The following TMEM40 variants were observed in gnomAD, a reference collection of about 807,000 sequenced individuals.
The protein encoded by TMEM40 is transmembrane protein 40.
A neutral mutation model predicts 40.8 loss-of-function variants in TMEM40; 34 were observed. That is an observed-to-expected ratio of 0.83 (90% CI 0.63 to 1.11). The LOEUF (loss-of-function observed/expected upper bound fraction) is 1.11. TMEM40 is among the 50% of genes least tolerant of loss of function. The pLI is 0.00. For synonymous variants in TMEM40, 106 were observed against 107.0 expected (o/e 0.99, Z 0.06); for missense variants, 296 against 280.2 (o/e 1.06, Z -0.40).
chr3:12,752,347 A>G (rs2061484311), intron 1 of TMEM40, among the ~76,000 whole-genome samples: 1 of 152,190 alleles, frequency 6.6e-6, no homozygotes, highest in Admixed American at 6.6e-5. Flanking sequence ...CCGGGAACAA[A>G]GGAAAAATGA....
At chr3:12,747,159 T>A (rs2061435396) in intron 3 of TMEM40, among the ~76,000 whole-genome samples, 1 of 151,868 alleles carries the variant, frequency 6.6e-6, no homozygotes, top group South Asian at 2.1e-4. Flanking sequence ...GTCTCAGCAT[T>A]TGCAACATGA....
At chr3:12,741,762 T>G in intron 5 of TMEM40, among the ~76,000 whole-genome samples, 1 of 114,000 alleles carries the variant, frequency 8.8e-6, no homozygotes, top group East Asian at 2.0e-4. Flanking sequence ...TACTTGTTTT[T>G]GTAACAAAAA....
chr3:12,746,582 C>T (rs75924659), intron 3 of TMEM40, among the ~76,000 whole-genome samples: 2,526 of 152,250 alleles, frequency 0.017, 35 homozygotes, highest in African/African-American at 0.036. Context: ...CGGTGAGGCA[C>T]CCAGGCTCGG....
At position 12,742,450 on chromosome 3, in the gene TMEM40, T is replaced by A. The variant is rs1284134176; in HGVS notation, c.355+4A>T. The A allele has an allele frequency of 1.9e-6, 3 of 1,613,436 alleles. No individual in the cohort carries two copies. The highest frequency in any genetic ancestry group is 2.5e-6 in the Non-Finnish European group (3 of 1,179,618). The stretch of plus-strand genomic sequence containing the variant: ...TTCTCCAAAGCTACTGGGCAACTGA[T>A]TACCTCCATAGAGTTGAAGCTCATC... On this transcript the variant is annotated splice_donor_region_variant and intron_variant, in intron 5 of 11. Transcript: ENST00000314124.
At chr3:12,746,553 T>C (rs1459033556) in intron 3 of TMEM40, among the ~76,000 whole-genome samples, 1 of 152,190 alleles carries the variant, frequency 6.6e-6, no homozygotes, top group Non-Finnish European at 1.5e-5. Flanking sequence ...GGGTCCTGCA[T>C]GTGAGGACGG....
chr3:12,761,291 A>T (rs1034180683), upstream of TMEM40, among the ~76,000 whole-genome samples: 1 of 152,216 alleles, frequency 6.6e-6, no homozygotes, highest in South Asian at 2.1e-4. Flanking sequence ...TGAGAGGGAC[A>T]TGACCAAACC....
intron 1 of TMEM40, among the ~76,000 whole-genome samples, chr3:12,753,441 C>T (rs1339434489): frequency 6.6e-6 from 1 of 151,866 alleles, no homozygotes; most frequent in East Asian, 1.9e-4. Flanking sequence ...CCAGGCTGCT[C>T]TTGAACTCCT....
intron 5 of TMEM40, chr3:12,738,882 C>T (rs570181820): frequency 4.5e-4 from 167 of 374,606 alleles, no homozygotes; most frequent in Non-Finnish European, 6.7e-4. Flanking sequence ...GGGCCGCACG[C>T]GGTGGCTCAT....
intron 2 of TMEM40, among the ~76,000 whole-genome samples, 155 bp from the exon 3 acceptor site, chr3:12,748,947 C>T (rs2061451276): frequency 6.6e-6 from 1 of 152,088 alleles, no homozygotes; most frequent in African/African-American, 2.4e-5. Context: ...ATGCAGGAGA[C>T]CAAGGCTCTC....
rs779341839 is a variant in TMEM40 at position 12,738,532 on chromosome 3, C to T, written c.391+21G>A. On this transcript the variant is annotated intron_variant, in intron 6 of 11. Coordinates refer to ENST00000314124, the MANE Select transcript of TMEM40 (RefSeq NM_018306.4). Reference sequence around the variant, plus strand: ...CTCAATACCAGCACCAACGACCTCTCTCCTCTAACTGGACACTCACCTGAT... The same window carrying T: ...CTCAATACCAGCACCAACGACCTCTTTCCTCTAACTGGACACTCACCTGAT... 9 of 1,613,782 alleles carry T rather than the reference C, an allele frequency of 5.6e-6. No individual in the cohort carries two copies. In the East Asian group the frequency reaches 2.0e-4, roughly 36 times the overall value.
chr3:12,766,060 AT>A (rs1449398067), intron 1 of TMEM40, among the ~76,000 whole-genome samples: 6 of 150,996 alleles, frequency 4.0e-5, no homozygotes, highest in Non-Finnish European at 8.8e-5. Flanking sequence ...GGGTTTTGCC[AT>A]GTTGTTCAGG....
chr3:12,738,183 C>T lies in TMEM40; in HGVS notation c.392-15G>A. ...CCTTCGGAGTCCTGGAAACAAGAAA[C>T]TCAACATTAGTGCCCAACCCCGCTT... On this transcript the variant is annotated splice_polypyrimidine_tract_variant and intron_variant, in intron 6 of 11. Coordinates refer to ENST00000314124, the MANE Select transcript of TMEM40 (RefSeq NM_018306.4). 13 of 1,613,858 alleles carry T rather than the reference C, an allele frequency of 8.1e-6. No homozygotes were observed. The highest frequency in any genetic ancestry group is 1.0e-5 in the Non-Finnish European group (12 of 1,179,914).
intron 1 of TMEM40, among the ~76,000 whole-genome samples, chr3:12,768,826 G>T (rs867704254): frequency 6.6e-6 from 1 of 151,378 alleles, no homozygotes. Flanking sequence ...CGATGGGACC[G>T]GGCGCCGTGG....
In TMEM40 at chr3:12,734,079, C is replaced by T. The variant is rs2061320259; in HGVS notation, c.*695G>A. ...ACAGGTATGTACCGCCACATTTGGT[C>T]ATTAAAAAAAAATTGTAGAGATGGG... is the stretch of plus-strand genomic sequence containing the variant. On this transcript the variant is annotated 3_prime_UTR_variant, in exon 12 of 12. Coordinates refer to ENST00000314124, the MANE Select transcript of TMEM40 (RefSeq NM_018306.4). 1 of 151,414 alleles carries T rather than the reference C, an allele frequency of 6.6e-6. No homozygotes were observed. Among genetic ancestry groups the T allele is most frequent in the Admixed American group, 6.6e-5 (1 of 15,186 alleles). The allele number at this position is 151,414 out of a possible 1,614,324, so 9.4% of individuals were successfully genotyped here.
chr3:12,739,077 C>T (rs953530079), intron 5 of TMEM40: 1 of 159,806 alleles, frequency 6.3e-6, no homozygotes, highest in African/African-American at 2.4e-5. Flanking sequence ...CGCTCAAACC[C>T]AGGAGACAGA....
intron 3 of TMEM40, among the ~76,000 whole-genome samples, chr3:12,746,460 C>T (rs1480733278): frequency 6.6e-6 from 1 of 152,114 alleles, no homozygotes; most frequent in East Asian, 1.9e-4. Context: ...TAATCTTTTA[C>T]AGTTGAAAAC....
intron 1 of TMEM40, among the ~76,000 whole-genome samples, chr3:12,753,211 C>CTTTTTTT (rs56739791): frequency 3.0e-3 from 226 of 76,258 alleles, no homozygotes; most frequent in African/African-American, 4.6e-3. Context: ...TTCTTTCTTT[C>CTTTTTTT]TTTTTTTTTT....
chr3:12,736,272 C>T (rs2061336462), intron 10 of TMEM40, among the ~76,000 whole-genome samples: 1 of 151,986 alleles, frequency 6.6e-6, no homozygotes, highest in South Asian at 2.1e-4. Context: ...TCTCAGCCTC[C>T]CGAGTAGCTG....
chr3:12,749,861 A>G (rs1280737353), intron 1 of TMEM40, 21 bp from the exon 2 acceptor site: 2 of 1,603,352 alleles, frequency 1.2e-6, no homozygotes, highest in South Asian at 1.1e-5. Flanking sequence ...AACAATAATC[A>G]GTAGTTAATA....
Sources: allele counts gnomAD v4.1 joint callset (sites outside exome capture counted in the v4.1 genomes callset), GRCh38; gene constraint gnomAD v4.1.1; transcripts MANE v1.5; gene names NCBI Gene and HGNC (gene_info 2026-07-23, HGNC 2026-07-21).